The following KHDRBS2 variants were observed in gnomAD, a reference collection of about 807,000 sequenced individuals.
KHDRBS2 encodes KH domain-containing, RNA-binding, signal transduction-associated protein 2.
A neutral mutation model predicts 44.3 loss-of-function variants in KHDRBS2; 26 were observed. That is an observed-to-expected ratio of 0.59 (90% confidence interval 0.43 to 0.81). The LOEUF is 0.81. Among genes scored for constraint, KHDRBS2 ranks in the 40% least tolerant of loss-of-function variants. KHDRBS2 has a pLI of 0.00. For missense variants in KHDRBS2, 476 were observed against 433.1 expected, an observed-to-expected ratio of 1.10 and a Z score of -0.88; for synonymous variants, 194 against 151.1, an observed-to-expected ratio of 1.28 and a Z score of -2.08.
the KHDRBS2 span, among the ~76,000 whole-genome samples, chr6:61,631,767 C>T: frequency 1.3e-5 from 2 of 152,048 alleles, no homozygotes; most frequent in South Asian, 4.2e-4. Flanking sequence ...GCAATGGAAA[C>T]CTGAATCTAG....
intron 6 of KHDRBS2, among the ~76,000 whole-genome samples, chr6:61,792,664 C>A (rs1160944424): frequency 2.0e-5 from 3 of 151,566 alleles, no homozygotes; most frequent in Non-Finnish European, 4.4e-5. Context: ...ATGACAACTG[C>A]GAATTAGAAA....
chr6:61,562,543 C>G, the KHDRBS2 span, among the ~76,000 whole-genome samples: 1 of 152,074 alleles, frequency 6.6e-6, no homozygotes, highest in Admixed American at 6.6e-5. Context: ...ACTTTATTCT[C>G]TCTTTGAAAT....
intron 2 of KHDRBS2, among the ~76,000 whole-genome samples, chr6:62,105,331 C>G (rs546738202): frequency 6.6e-6 from 1 of 152,236 alleles, no homozygotes; most frequent in South Asian, 2.1e-4. Context: ...ACAAATATCC[C>G]TTATGAACAT....
At chr6:62,284,892 T>A (rs1473016476) in intron 1 of KHDRBS2, among the ~76,000 whole-genome samples, 1 of 152,158 alleles carries the variant, frequency 6.6e-6, no homozygotes, top group Non-Finnish European at 1.5e-5. Flanking sequence ...CCGTTTTAGT[T>A]TTTTGCTGTA....
intron 6 of KHDRBS2, among the ~76,000 whole-genome samples, chr6:61,737,901 G>T (rs553876117): frequency 3.8e-4 from 58 of 151,976 alleles, no homozygotes; most frequent in African/African-American, 1.3e-3. Flanking sequence ...TATTTACGTG[G>T]TTTTTTTAAG....
chr6:61,917,877 C>A (rs1025324661), intron 4 of KHDRBS2, among the ~76,000 whole-genome samples: 1 of 151,950 alleles, frequency 6.6e-6, no homozygotes, highest in Non-Finnish European at 1.5e-5. Context: ...TCGACCATTT[C>A]ATCAAGTTGA....
At chr6:61,875,163 C>G (rs999625353) in intron 6 of KHDRBS2, among the ~76,000 whole-genome samples, 2 of 150,516 alleles carry the variant, frequency 1.3e-5, no homozygotes, top group African/African-American at 2.4e-5. Flanking sequence ...TGTGTGAGTT[C>G]GTGTGTGTGG....
chr6:61,629,544 G>T, the KHDRBS2 span, among the ~76,000 whole-genome samples: 1 of 152,078 alleles, frequency 6.6e-6, no homozygotes, highest in African/African-American at 2.4e-5. Context: ...TGCAGAAATG[G>T]CCCTGGTTTG....
chr6:62,035,425 G>A (rs1208873566), intron 3 of KHDRBS2, among the ~76,000 whole-genome samples: 1 of 151,958 alleles, frequency 6.6e-6, no homozygotes, highest in Admixed American at 6.6e-5. Flanking sequence ...TCACTTATTT[G>A]TGGGGTCTGA....
At chr6:61,734,932 C>T (rs976211716) in intron 6 of KHDRBS2, among the ~76,000 whole-genome samples, 1 of 152,132 alleles carries the variant, frequency 6.6e-6, no homozygotes, top group Admixed American at 6.6e-5. Flanking sequence ...AATTTCTAGG[C>T]CTGAAGGCCA....
chr6:62,169,210 T>TATATACGTATACATATATGTATATCTAC (rs1454018151), intron 2 of KHDRBS2, among the ~76,000 whole-genome samples: 1 of 145,666 alleles, frequency 6.9e-6, no homozygotes, highest in Non-Finnish European at 1.5e-5. Context: ...TGTATATATA[T>TATATACGTATACATATATGTATATCTAC]GTATATATAC....
chr6:61,562,384 A>T, the KHDRBS2 span, among the ~76,000 whole-genome samples: 1 of 152,138 alleles, frequency 6.6e-6, no homozygotes, highest in East Asian at 1.9e-4. Context: ...GTGGTCCTCA[A>T]GTGTTGGCTG....
intron 2 of KHDRBS2, among the ~76,000 whole-genome samples, chr6:62,050,463 T>C (rs1183384465): frequency 6.6e-6 from 1 of 150,992 alleles, no homozygotes; most frequent in Non-Finnish European, 1.5e-5. Flanking sequence ...AAAAAAGCCC[T>C]ACTGATGCAA....
intron 2 of KHDRBS2, among the ~76,000 whole-genome samples, chr6:62,131,830 G>A (rs978444435): frequency 3.9e-5 from 6 of 152,158 alleles, no homozygotes; most frequent in African/African-American, 7.2e-5. Context: ...TACATTTAAG[G>A]TGTCTAGTAC....
At chr6:61,593,628 T>C in the KHDRBS2 span, among the ~76,000 whole-genome samples, 2 of 151,730 alleles carry the variant, frequency 1.3e-5, no homozygotes, top group African/African-American at 4.8e-5. Context: ...GCAGCAAGAA[T>C]AGTACTTGTC....
rs1462665240 is a variant in KHDRBS2, at chr6:62,177,918, C to T, written c.92-606G>A. Among the ~76,000 whole-genome samples the T allele has an allele frequency of 2.6e-5, 4 of 151,330 alleles. No homozygotes were observed. In the East Asian group the frequency reaches 7.7e-4, roughly 29 times the overall value. On this transcript the variant is annotated intron_variant, in intron 1 of 8. Coordinates refer to ENST00000281156, the MANE Select transcript of KHDRBS2 (RefSeq NM_152688.4). ...GTTTAAGAAAAATATTAGAATATTA[C>T]CAAATTCGATATTTTGGAGCATACT...
chr6:61,776,943 G>C (rs1251991732), intron 6 of KHDRBS2, among the ~76,000 whole-genome samples: 1 of 152,148 alleles, frequency 6.6e-6, no homozygotes. Context: ...ATACACCATG[G>C]AATACTATGC....
intron 4 of KHDRBS2, among the ~76,000 whole-genome samples, chr6:61,948,739 C>G (rs1357274996): frequency 6.6e-6 from 1 of 150,824 alleles, no homozygotes; most frequent in Non-Finnish European, 1.5e-5. Context: ...TCTTGAACTC[C>G]TGGCCTCAAG....
At chr6:62,231,838 A>G (rs1219289148) in intron 1 of KHDRBS2, among the ~76,000 whole-genome samples, 3 of 152,218 alleles carry the variant, frequency 2.0e-5, no homozygotes. Context: ...AGTAGAATAA[A>G]TACTGTAACT....
Sources: allele counts gnomAD v4.1 joint callset (sites outside exome capture counted in the v4.1 genomes callset), GRCh38; gene constraint gnomAD v4.1.1; transcripts MANE v1.5; gene names NCBI Gene and HGNC (gene_info 2026-07-23, HGNC 2026-07-21).